Variants in CELSR1 observed in about 807,000 individuals in gnomAD.
The protein encoded by CELSR1 is cadherin EGF LAG seven-pass G-type receptor 1.
CELSR1 carries 110 observed loss-of-function variants against 249.1 expected under a neutral mutation model. That is an observed-to-expected ratio of 0.44 (90% CI 0.38 to 0.52). CELSR1 has a LOEUF of 0.52. CELSR1 is among the 20% of genes least tolerant of loss of function. The pLI is 0.00. For missense variants in CELSR1, 4,109 were observed against 4,296.4 expected (o/e 0.96, Z 1.22); for synonymous variants, 2,113 against 1,900.0 (o/e 1.11, Z -2.92).
At chr22:46,435,037 G>C (rs12628968) in intron 4 of CELSR1, among the ~76,000 whole-genome samples, 1 of 151,892 alleles carries the variant, frequency 6.6e-6, no homozygotes, top group East Asian at 1.9e-4. Context: ...ATGTGTGCCA[G>C]AAAAACACAG....
Position 46,534,154 on chromosome 22 carries a change from A to T in CELSR1, c.3017T>A (p.Leu1006Gln), listed in dbSNP as rs763969106. Residue 1006 changes from leucine to glutamine, a missense_variant, in exon 1 of 35, where the codon CTG becomes CAG. Transcript: ENST00000674500. This position sits in a 1 kb window ranked among gnomAD's most constrained non-coding sequence, Gnocchi z 9.7. ...CACTGGGTTGTTCTCCTCAACAAAC[A>T]GCTCCAGTTCGTCCTTCTCAAACAT... The part of the protein sequence containing the change: ...APMFEKDELE[L>Q]FVEENNPVGS... 2 of 1,613,878 alleles carry T rather than the reference A, an allele frequency of 1.2e-6. No homozygotes were observed. The highest frequency in any genetic ancestry group is 1.7e-6 in the Non-Finnish European group (2 of 1,180,036).
In CELSR1 at chr22:46,413,012, C is replaced by T. The variant is rs2079356469; in HGVS notation, c.4612-1253G>A. 6.6e-6 allele frequency among the ~76,000 whole-genome samples: 1 copy of T among 152,178 alleles called. No homozygotes were observed. The highest frequency in any genetic ancestry group is 2.1e-4 in the South Asian group (1 of 4,834). On this transcript the variant is annotated intron_variant, in intron 5 of 34. Coordinates refer to ENST00000674500, the MANE Select transcript of CELSR1 (RefSeq NM_001378328.1). This position sits in a 1 kb window ranked among gnomAD's most constrained non-coding sequence, Gnocchi z 4.7. ...CTTCCAGTCCCAGCAGGGTCCCTCC[C>T]ACCACCCCTATAAAGGATGGGTTCG... is the stretch of plus-strand genomic sequence containing the variant.
chr22:46,426,138 C>T (rs1432920154), intron 5 of CELSR1, among the ~76,000 whole-genome samples: 3 of 152,046 alleles, frequency 2.0e-5, no homozygotes, highest in Admixed American at 1.3e-4. Context: ...CTGGGGAGGG[C>T]GCAGCCGGGG....
At position 46,427,456 on chromosome 22, in the gene CELSR1, G is replaced by T. The variant is rs149458457; in HGVS notation, c.4611+5937C>A. 1.8e-3 allele frequency among the ~76,000 whole-genome samples: 271 copies of T among 152,348 alleles called. 3 individuals are homozygous for T. The East Asian group carries it at 0.047, about 27-fold the overall frequency. On this transcript the variant is annotated intron_variant, in intron 5 of 34. Coordinates refer to ENST00000674500, the MANE Select transcript of CELSR1 (RefSeq NM_001378328.1). The surrounding 1 kb of genome is among the most constrained non-coding windows in gnomAD (Gnocchi z 4.2). The stretch of plus-strand genomic sequence containing the variant: ...GGAGGCTGAGGCAGGAGAATTGCTT[G>T]AACCTGGGAGGCAGAGGTTGCAGTG...
rs1187685822 is a variant in CELSR1 at position 46,407,751 on chromosome 22, C to T, written c.5226+1245G>A. The stretch of plus-strand genomic sequence containing the variant: ...TCAGGCACGGCTCCCACAGGCCACT[C>T]CCGTGCCAGGGGATGAGAATTAGGC... On this transcript the variant is annotated intron_variant, in intron 9 of 34. Coordinates refer to ENST00000674500, the MANE Select transcript of CELSR1 (RefSeq NM_001378328.1). This position sits in a 1 kb window ranked among gnomAD's most constrained non-coding sequence, Gnocchi z 4.8. Among the ~76,000 whole-genome samples the T allele has an allele frequency of 1.3e-5, 2 of 152,202 alleles. No homozygotes were observed. Among genetic ancestry groups the T allele is most frequent in the Non-Finnish European group, 2.9e-5 (2 of 68,038 alleles).
chr22:46,527,848 C>T lies in CELSR1; in HGVS notation c.3544+5779G>A, dbSNP rs1364937081. ...CGGTGGCTCACGCCTGTAATCCCAG[C>T]ATTTTGGGAGGCTGAGGCGGGCGGA... On this transcript the variant is annotated intron_variant, in intron 1 of 34. Coordinates refer to ENST00000674500, the MANE Select transcript of CELSR1 (RefSeq NM_001378328.1). The surrounding 1 kb of genome is among the most constrained non-coding windows in gnomAD (Gnocchi z 5.5). Among the ~76,000 whole-genome samples, 1 of 152,162 alleles carries T rather than the reference C, an allele frequency of 6.6e-6. No homozygotes were observed. The highest frequency in any genetic ancestry group is 1.5e-5 in the Non-Finnish European group (1 of 68,030).
intron 1 of CELSR1, among the ~76,000 whole-genome samples, chr22:46,513,288 A>T (rs1230019716): frequency 6.6e-6 from 1 of 152,198 alleles, no homozygotes; most frequent in Non-Finnish European, 1.5e-5. Context: ...AAGAGTGTTC[A>T]TGATCACGAG....
chr22:46,396,434 A>T lies in CELSR1; in HGVS notation c.5843+171T>A, dbSNP rs186211542. On this transcript the variant is annotated intron_variant, in intron 13 of 34. Coordinates refer to ENST00000674500, the MANE Select transcript of CELSR1 (RefSeq NM_001378328.1). This position sits in a 1 kb window ranked among gnomAD's most constrained non-coding sequence, Gnocchi z 6.4. Reference sequence around the variant, plus strand: ...AAAAAATAAAAATAAAATAAAAATTAAAAAAAATTTGATTTTCACTTAATT... The same window carrying T: ...AAAAAATAAAAATAAAATAAAAATTTAAAAAAATTTGATTTTCACTTAATT... Among the ~76,000 whole-genome samples, 122 of 152,062 alleles carry T rather than the reference A, an allele frequency of 8.0e-4. No individual in the cohort carries two copies. Among genetic ancestry groups the T allele is most frequent in the African/African-American group, 2.6e-3 (109 of 41,412 alleles).
At chr22:46,364,328 C>T in intron 33 of CELSR1, 77 bp from the exon 34 acceptor site, 1 of 1,561,094 alleles carries the variant, frequency 6.4e-7, no homozygotes. Context: ...TGCAGCTGAG[C>T]CAGCCTCAGC....
chr22:46,432,052 T>C (rs1346090913), intron 5 of CELSR1, among the ~76,000 whole-genome samples: 1 of 152,064 alleles, frequency 6.6e-6, no homozygotes, highest in Non-Finnish European at 1.5e-5. Flanking sequence ...TCTGCCCTCC[T>C]CCCAAATGAG....
chr22:46,452,877 T>G (rs1323708112), intron 2 of CELSR1, among the ~76,000 whole-genome samples: 3 of 152,244 alleles, frequency 2.0e-5, no homozygotes, highest in Non-Finnish European at 4.4e-5. Flanking sequence ...GGCTCCCCTG[T>G]GCCCTCCAGG....
At chr22:46,453,922 T>G (rs2079915657) in intron 2 of CELSR1, among the ~76,000 whole-genome samples, 1 of 152,150 alleles carries the variant, frequency 6.6e-6, no homozygotes, top group South Asian at 2.1e-4. Context: ...CCGGGGTTGT[T>G]AGCAAAATAA....
chr22:46,439,142 C>G (rs376396199), intron 3 of CELSR1, 47 bp downstream of exon 3: 12 of 1,547,894 alleles, frequency 7.8e-6, no homozygotes, highest in Non-Finnish European at 9.7e-6. Context: ...GAAGCTCGCC[C>G]CTTTCCTAAA....
At chr22:46,394,799 G>A (rs907746932) in intron 13 of CELSR1, among the ~76,000 whole-genome samples, 6 of 152,216 alleles carry the variant, frequency 3.9e-5, no homozygotes, top group Admixed American at 3.3e-4. Context: ...CCGTGCACTC[G>A]GAATCCAGCA....
rs552307927 is a variant in CELSR1, at chr22:46,380,334, C to T, written c.7256+454G>A. ...CTCTTGGGGGTGAAGCCAGTCCCCACAGCTAGACTGTGTCAGCCTCTCGGG... is the reference window on the plus strand; with the variant it reads ...CTCTTGGGGGTGAAGCCAGTCCCCATAGCTAGACTGTGTCAGCCTCTCGGG... On this transcript the variant is annotated intron_variant, in intron 22 of 34. Transcript: ENST00000674500. This position sits in a 1 kb window ranked among gnomAD's most constrained non-coding sequence, Gnocchi z 5.1. 1.4e-4 allele frequency among the ~76,000 whole-genome samples: 21 copies of T among 152,324 alleles called. No homozygotes were observed. The highest frequency in any genetic ancestry group is 1.2e-3 in the Admixed American group (19 of 15,306).
At chr22:46,432,273 G>A (rs911422807) in intron 5 of CELSR1, among the ~76,000 whole-genome samples, 1 of 152,238 alleles carries the variant, frequency 6.6e-6, no homozygotes, top group African/African-American at 2.4e-5. Context: ...GCGACACTAC[G>A]ACCTCAGGCC....
Position 46,363,380 on chromosome 22 carries a change from G to C in CELSR1, c.9036-133C>G, listed in dbSNP as rs1363149336. The stretch of plus-strand genomic sequence containing the variant: ...AGGGGGCGTCTGGGGGCTCCAGGGA[G>C]GGCAAGCTCATGTTGGATGAGGCTG... On this transcript the variant is annotated intron_variant, in intron 34 of 34. Coordinates refer to ENST00000674500, the MANE Select transcript of CELSR1 (RefSeq NM_001378328.1). This position sits in a 1 kb window ranked among gnomAD's most constrained non-coding sequence, Gnocchi z 4.3. The C allele has an allele frequency of 2.8e-6, 2 of 709,982 alleles. No homozygotes were observed. The highest frequency in any genetic ancestry group is 1.8e-5 in the African/African-American group (1 of 56,270). The allele number at this position is 709,982 out of a possible 1,614,324, so 44.0% of individuals were successfully genotyped here.
chr22:46,450,959 C>T (rs559060416), intron 2 of CELSR1, among the ~76,000 whole-genome samples: 17 of 152,296 alleles, frequency 1.1e-4, no homozygotes, highest in African/African-American at 4.1e-4. Context: ...TGCGCAAGGG[C>T]GAGGTTACTA....
intron 1 of CELSR1, among the ~76,000 whole-genome samples, chr22:46,487,789 A>C (rs1328310348): frequency 7.7e-6 from 1 of 129,734 alleles, no homozygotes; most frequent in East Asian, 2.5e-4. Context: ...AGTCCAGGAT[A>C]CTGACGGAAG....
Sources: allele counts gnomAD v4.1 joint callset (sites outside exome capture counted in the v4.1 genomes callset), GRCh38; gene constraint gnomAD v4.1.1; non-coding constraint Gnocchi (gnomAD v3.1); transcripts MANE v1.5; gene names NCBI Gene and HGNC (gene_info 2026-07-23, HGNC 2026-07-21).